SHISA9: variants seen among roughly 807,000 people sequenced by gnomAD.
SHISA9 encodes the protein shisa family member 9, also known as protein shisa-9.
Under a neutral mutation model 38.0 loss-of-function variants are expected in SHISA9, and 13 were observed. The observed-to-expected ratio is 0.34, with a 90% CI of 0.22 to 0.54. SHISA9 has a LOEUF of 0.54. Ranked by LOEUF, SHISA9 falls within the 20% of genes least tolerant of loss-of-function variation. The probability of loss-of-function intolerance (pLI) is 0.91; values close to 1 mark genes in which losing one functional copy is unlikely to be tolerated. For synonymous variants in SHISA9, 275 were observed against 242.0 expected (o/e 1.14, Z -1.27); for missense variants, 538 against 575.8 (o/e 0.93, Z 0.67).
chr16:13,191,435 T>C (rs1240434960), intron 2 of SHISA9, among the ~76,000 whole-genome samples: 2 of 152,196 alleles, frequency 1.3e-5, no homozygotes, highest in Non-Finnish European at 2.9e-5. Context: ...TTCTAAACAA[T>C]TGGAGGCAAT....
In SHISA9 at chr16:13,096,625, A is replaced by G. The variant is rs372898946; in HGVS notation, c.692-106769A>G. Among the ~76,000 whole-genome samples, 13 of 152,294 alleles carry G rather than the reference A, an allele frequency of 8.5e-5. 2 individuals carry two copies. The highest frequency in any genetic ancestry group is 3.1e-4 in the African/African-American group (13 of 41,572). On this transcript the variant is annotated intron_variant, in intron 2 of 4. Coordinates refer to ENST00000558583, the MANE Select transcript of SHISA9 (RefSeq NM_001145204.3). ...CATTTGGTGGCCTTGTAGTTATCCA[A>G]AAGCCTTTCACGGTGCCCAAATCTT... is the stretch of plus-strand genomic sequence containing the variant.
intron 2 of SHISA9, among the ~76,000 whole-genome samples, chr16:13,051,335 A>G (rs2073248427): frequency 6.6e-6 from 1 of 152,190 alleles, no homozygotes; most frequent in Non-Finnish European, 1.5e-5. Flanking sequence ...CACTACCACA[A>G]GAACAGTATG....
the SHISA9 span, among the ~76,000 whole-genome samples, chr16:13,268,383 G>A: frequency 6.6e-6 from 1 of 152,132 alleles, no homozygotes; most frequent in Non-Finnish European, 1.5e-5. Flanking sequence ...GGTGGCACAT[G>A]CCTGTAATCC....
intron 2 of SHISA9, among the ~76,000 whole-genome samples, chr16:13,199,794 G>T (rs2050986442): frequency 6.6e-6 from 1 of 152,164 alleles, no homozygotes; most frequent in Non-Finnish European, 1.5e-5. Context: ...TATTGGGATT[G>T]GTTTGATTCA....
the SHISA9 span, among the ~76,000 whole-genome samples, chr16:13,342,850 G>C: frequency 6.6e-6 from 1 of 152,098 alleles, no homozygotes; most frequent in Admixed American, 6.5e-5. Context: ...CCCAGCACTA[G>C]ATGCAGTAAG....
chr16:13,448,301 G>C, the SHISA9 span, among the ~76,000 whole-genome samples: 11 of 152,158 alleles, frequency 7.2e-5, no homozygotes, highest in African/African-American at 2.7e-4. Context: ...TGATGGGAGG[G>C]TAATTTTAAA....
the SHISA9 span, among the ~76,000 whole-genome samples, chr16:13,330,146 C>A: frequency 6.6e-6 from 1 of 152,198 alleles, no homozygotes; most frequent in African/African-American, 2.4e-5. Context: ...TCCAGTGGCA[C>A]ATTCAGATAG....
At chr16:12,930,896 A>G (rs1257877080) in intron 2 of SHISA9, among the ~76,000 whole-genome samples, 1 of 152,200 alleles carries the variant, frequency 6.6e-6, no homozygotes, top group South Asian at 2.1e-4. Context: ...CATATCCTAT[A>G]ATAAGGCAAT....
At chr16:13,490,144 T>C in the SHISA9 span, among the ~76,000 whole-genome samples, 1 of 151,824 alleles carries the variant, frequency 6.6e-6, no homozygotes, top group Admixed American at 6.6e-5. Flanking sequence ...TTTGTGAAGA[T>C]AAAGAGGCAA....
At chr16:13,403,149 T>G in the SHISA9 span, among the ~76,000 whole-genome samples, 2 of 151,648 alleles carry the variant, frequency 1.3e-5, no homozygotes, top group African/African-American at 2.4e-5. Flanking sequence ...GTTGTTTAAG[T>G]CACCTAGTTT....
chr16:12,973,973 C>T (rs1319849377), intron 2 of SHISA9, among the ~76,000 whole-genome samples: 3 of 152,160 alleles, frequency 2.0e-5, no homozygotes, highest in Non-Finnish European at 2.9e-5. Flanking sequence ...CCTTATTATG[C>T]ATAAGTGGCA....
intron 4 of SHISA9, 58 bp from the exon 5 acceptor site, chr16:13,234,972 C>G (rs2051366824): frequency 2.7e-6 from 4 of 1,480,838 alleles, no homozygotes; most frequent in African/African-American, 1.4e-5. Context: ...CTCTCTCTCT[C>G]TCTCTCTCTC....
chr16:13,337,839 C>T, the SHISA9 span, among the ~76,000 whole-genome samples: 2 of 152,080 alleles, frequency 1.3e-5, no homozygotes, highest in African/African-American at 4.8e-5. Context: ...CTTCCCCCTT[C>T]ACTCTCTCTC....
downstream of SHISA9, among the ~76,000 whole-genome samples, chr16:13,243,214 C>G (rs1191647666): frequency 6.6e-6 from 1 of 151,460 alleles, no homozygotes; most frequent in Non-Finnish European, 1.5e-5. Context: ...CACTCCAACC[C>G]TGGGTGACAG....
the SHISA9 span, among the ~76,000 whole-genome samples, chr16:13,288,583 C>G: frequency 6.6e-6 from 1 of 152,094 alleles, no homozygotes; most frequent in African/African-American, 2.4e-5. Flanking sequence ...ATCATGAGGT[C>G]AGGAGATCTA....
At chr16:12,909,552 G>C in intron 1 of SHISA9, 1 of 985,356 alleles carries the variant, frequency 1.0e-6, no homozygotes, top group Non-Finnish European at 1.2e-6. Context: ...TTTTCTTCTT[G>C]TTCTTTGGAT....
At chr16:13,197,182 T>G (rs1465607640) in intron 2 of SHISA9, among the ~76,000 whole-genome samples, 4 of 147,648 alleles carry the variant, frequency 2.7e-5, no homozygotes, top group South Asian at 2.1e-4. Flanking sequence ...GAGAGAGAGA[T>G]AACATGAGAA....
the SHISA9 span, among the ~76,000 whole-genome samples, chr16:13,338,695 T>A: frequency 6.6e-6 from 1 of 152,150 alleles, no homozygotes; most frequent in Non-Finnish European, 1.5e-5. Flanking sequence ...TAGGCCCATG[T>A]TTTCTGGAGT....
At chr16:13,371,377 GCCTGAAGTCTGA>G in the SHISA9 span, among the ~76,000 whole-genome samples, 1 of 152,160 alleles carries the variant, frequency 6.6e-6, no homozygotes. Context: ...AAACTGATGT[GCCTGAAGTCTGA>G]GATCCTCCAA....
Sources: allele counts gnomAD v4.1 joint callset (sites outside exome capture counted in the v4.1 genomes callset), GRCh38; gene constraint gnomAD v4.1.1; transcripts MANE v1.5; gene names NCBI Gene and HGNC (gene_info 2026-07-23, HGNC 2026-07-21).